Variants in CTNNA3 observed in about 807,000 individuals in gnomAD.
CTNNA3 encodes catenin alpha-3.
In CTNNA3, 76 loss-of-function variants were observed where a neutral mutation model predicts 95.7. The observed-to-expected ratio is 0.79, with a 90% CI of 0.66 to 0.96. The LOEUF is 0.96. Ranked by LOEUF, CTNNA3 falls within the 40% of genes least tolerant of loss-of-function variation. The pLI, the probability that CTNNA3 is intolerant of heterozygous loss-of-function variation, is 0.00. For synonymous variants in CTNNA3, 431 were observed against 374.4 expected, an observed-to-expected ratio of 1.15 and a Z score of -1.74; for missense variants, 1,191 against 1,089.8, an observed-to-expected ratio of 1.09 and a Z score of -1.31.
At chr10:66,836,520 A>C (rs73310634) in intron 7 of CTNNA3, among the ~76,000 whole-genome samples, 7,215 of 152,240 alleles carry the variant, frequency 0.047, 550 homozygotes, top group African/African-American at 0.16. Context: ...GTCCACTAGA[A>C]AACGGGATAC....
chr10:67,310,336 T>A (rs1317047946), intron 5 of CTNNA3, among the ~76,000 whole-genome samples: 1 of 152,022 alleles, frequency 6.6e-6, no homozygotes, highest in East Asian at 1.9e-4. Flanking sequence ...CCTACTTCCA[T>A]AAATAAAACA....
intron 13 of CTNNA3, among the ~76,000 whole-genome samples, chr10:66,136,573 T>C (rs952861037): frequency 6.6e-6 from 1 of 152,188 alleles, no homozygotes; most frequent in Non-Finnish European, 1.5e-5. Context: ...ATTAACACTT[T>C]TCTCCATCAC....
upstream of CTNNA3, among the ~76,000 whole-genome samples, chr10:67,698,593 T>C (rs150406485): frequency 1.5e-3 from 228 of 152,148 alleles, 1 homozygote; most frequent in African/African-American, 4.6e-3. Context: ...GCATGAACCA[T>C]GAGTCCATTT....
intron 11 of CTNNA3, among the ~76,000 whole-genome samples, chr10:66,443,013 C>G (rs11814953): frequency 0.26 from 40,298 of 152,104 alleles, 5,507 homozygotes; most frequent in South Asian, 0.39. Flanking sequence ...GATTATATCC[C>G]GCATATGGCT....
intron 11 of CTNNA3, among the ~76,000 whole-genome samples, chr10:66,410,562 C>T (rs1257458323): frequency 6.6e-6 from 1 of 152,192 alleles, no homozygotes; most frequent in Non-Finnish European, 1.5e-5. Context: ...CTCTGATCCT[C>T]AGTCCTTGAG....
intron 3 of CTNNA3, among the ~76,000 whole-genome samples, chr10:67,577,100 G>C (rs1479402436): frequency 1.7e-4 from 25 of 149,562 alleles, no homozygotes; most frequent in Middle Eastern, 3.4e-3. Context: ...AATGGTATTT[G>C]TAGTTCTAGA....
chr10:66,284,403 T>C (rs2091549275), intron 12 of CTNNA3, among the ~76,000 whole-genome samples: 2 of 151,910 alleles, frequency 1.3e-5, no homozygotes, highest in South Asian at 4.1e-4. Context: ...TAGAGCCAGC[T>C]CTCTGAACCC....
At chr10:67,528,070 T>C (rs1215569099) in intron 4 of CTNNA3, among the ~76,000 whole-genome samples, 1 of 152,198 alleles carries the variant, frequency 6.6e-6, no homozygotes, top group Non-Finnish European at 1.5e-5. Flanking sequence ...TCTGACTCTT[T>C]TTGTTTCCAA....
At chr10:67,631,248 C>T (rs942940730) in intron 2 of CTNNA3, among the ~76,000 whole-genome samples, 1 of 151,930 alleles carries the variant, frequency 6.6e-6, no homozygotes, top group Admixed American at 6.6e-5. Context: ...AAATATATCC[C>T]AGGCTAAATA....
Position 67,737,744 on chromosome 10 carries a change from G to C in CTNNA3, c.-2+25690C>G, listed in dbSNP as rs894738658. On this transcript the variant is annotated intron_variant, in intron 1 of 17. Coordinates refer to the CTNNA3 transcript ENST00000684154. ...CAGTTAGAATGGCGATCATTAAAAA[G>C]GCAGGAAACAACAGGTGCTGGAGAG... 5.3e-5 allele frequency among the ~76,000 whole-genome samples: 8 copies of C among 152,166 alleles called. 1 individual carries two copies. Among genetic ancestry groups the C allele is most frequent in the African/African-American group, 1.9e-4 (8 of 41,450 alleles).
chr10:67,322,799 A>G (rs1171047315), intron 5 of CTNNA3, among the ~76,000 whole-genome samples: 1 of 152,172 alleles, frequency 6.6e-6, no homozygotes, highest in Non-Finnish European at 1.5e-5. Context: ...AAATCACCAC[A>G]CCATCTTCCA....
chr10:67,620,261 G>A (rs1422998880), intron 2 of CTNNA3, among the ~76,000 whole-genome samples: 2 of 151,960 alleles, frequency 1.3e-5, no homozygotes, highest in Non-Finnish European at 2.9e-5. Flanking sequence ...ATGCACAGAG[G>A]TGCCCACAAG....
intron 13 of CTNNA3, among the ~76,000 whole-genome samples, chr10:66,212,825 G>A (rs1278238221): frequency 6.6e-6 from 1 of 152,158 alleles, no homozygotes; most frequent in Non-Finnish European, 1.5e-5. Context: ...CCAACATGGC[G>A]AAACCCCATC....
At chr10:67,741,374 T>A (rs1841337964) in intron 1 of CTNNA3, among the ~76,000 whole-genome samples, 2 of 146,722 alleles carry the variant, frequency 1.4e-5, no homozygotes, top group Admixed American at 6.8e-5. Context: ...AGAAAAGAAT[T>A]TTCAACCCAG....
chr10:66,664,706 T>G (rs1339856131), intron 9 of CTNNA3, among the ~76,000 whole-genome samples: 1 of 106,660 alleles, frequency 9.4e-6, no homozygotes, highest in African/African-American at 4.1e-5. Context: ...CAGAAGCTGA[T>G]GTTGCTAGGA....
intron 1 of CTNNA3, among the ~76,000 whole-genome samples, chr10:67,755,933 C>T (rs963265067): frequency 6.6e-6 from 1 of 151,752 alleles, no homozygotes; most frequent in African/African-American, 2.4e-5. Flanking sequence ...AAATGCTCAT[C>T]AATGGAAGAA....
intron 10 of CTNNA3, among the ~76,000 whole-genome samples, chr10:66,599,722 C>T (rs1414638730): frequency 6.6e-6 from 1 of 151,706 alleles, no homozygotes; most frequent in African/African-American, 2.4e-5. Context: ...AGAAACTGCA[C>T]CATAAGCAAA....
At chr10:66,551,917 T>C (rs1205837202) in intron 10 of CTNNA3, among the ~76,000 whole-genome samples, 2 of 147,412 alleles carry the variant, frequency 1.4e-5, no homozygotes, top group Non-Finnish European at 3.0e-5. Context: ...TTTTTTTTTT[T>C]TCTGAGACAG....
intron 9 of CTNNA3, among the ~76,000 whole-genome samples, chr10:66,689,164 G>A (rs1847420190): frequency 6.6e-6 from 1 of 152,092 alleles, no homozygotes. Flanking sequence ...AGAACTTGGG[G>A]CAAGCCTGAG....
Sources: gnomAD v4.1 joint callset for allele counts (sites outside exome capture counted in the v4.1 genomes callset) on GRCh38, gnomAD v4.1.1 for gene constraint, MANE v1.5 for transcripts, NCBI Gene and HGNC (gene_info 2026-07-23, HGNC 2026-07-21) for gene names.